The following CADPS variants were observed in gnomAD, a reference collection of about 807,000 sequenced individuals.
CADPS encodes the protein calcium-dependent secretion activator 1.
In CADPS, 57 loss-of-function variants were observed where a neutral mutation model predicts 167.3. That is an observed-to-expected ratio of 0.34 (90% CI 0.28 to 0.42). The LOEUF (loss-of-function observed/expected upper bound fraction) is 0.42. Ranked by LOEUF, CADPS falls within the 20% of genes least tolerant of loss-of-function variation. The pLI is 1.00. For synonymous variants in CADPS, 676 were observed against 635.3 expected, an observed-to-expected ratio of 1.06 and a Z score of -0.96; for missense variants, 1,414 against 1,738.1, an observed-to-expected ratio of 0.81 and a Z score of 3.32.
In CADPS at chr3:62,576,788, T is replaced by TAAAAAAA. The variant is rs138055445; in HGVS notation, c.1578-5857_1578-5851dup. Among the ~76,000 whole-genome samples, 70 of 29,852 alleles carry TAAAAAAA rather than the reference T, an allele frequency of 2.3e-3. 7 individuals carry two copies. The highest frequency in any genetic ancestry group is 7.7e-3 in the African/African-American group (63 of 8,192). The allele number at this position is 29,852 out of a possible 152,430, so 19.6% of individuals were successfully genotyped here. On this transcript the variant is annotated intron_variant, in intron 8 of 29. Transcript: ENST00000383710. ...CTGGGTGACAGAGCAAGACTCTGTC[T>TAAAAAAA]AAAAAAAAAAAAAAAAAAAAAAAAA...
intron 8 of CADPS, among the ~76,000 whole-genome samples, chr3:62,578,285 T>G (rs754076979): frequency 3.3e-5 from 5 of 151,834 alleles, no homozygotes; most frequent in Admixed American, 1.3e-4. Context: ...TCAAGAAGAT[T>G]ATTTCATAAT....
At chr3:62,810,451 C>A (rs2152862430) in intron 1 of CADPS, among the ~76,000 whole-genome samples, 1 of 152,186 alleles carries the variant, frequency 6.6e-6, no homozygotes, top group African/African-American at 2.4e-5. Context: ...TGAGAAGCAG[C>A]TTTTCAAGTA....
At chr3:62,515,602 CT>C (rs991033294) in intron 16 of CADPS, among the ~76,000 whole-genome samples, 4 of 152,004 alleles carry the variant, frequency 2.6e-5, no homozygotes, top group Non-Finnish European at 5.9e-5. Context: ...AGACAAGGTA[CT>C]TTTGGGGGCA....
intron 3 of CADPS, among the ~76,000 whole-genome samples, chr3:62,734,322 T>G (rs1359455987): frequency 1.3e-5 from 2 of 152,178 alleles, no homozygotes; most frequent in Non-Finnish European, 2.9e-5. Context: ...AGTAGATATG[T>G]GGCTAGTGTG....
At chr3:62,855,372 A>G (rs1350245482) in intron 1 of CADPS, among the ~76,000 whole-genome samples, 4 of 151,874 alleles carry the variant, frequency 2.6e-5, no homozygotes, top group African/African-American at 9.7e-5. Flanking sequence ...TTTTTAAAAC[A>G]CCCCATAATA....
chr3:62,491,194 A>G (rs1401580564), intron 21 of CADPS, 145 bp downstream of exon 21: 1 of 965,916 alleles, frequency 1.0e-6, no homozygotes, highest in Non-Finnish European at 1.5e-6. Context: ...CAAAGAAGCT[A>G]TGAGCATCAT....
intron 24 of CADPS, among the ~76,000 whole-genome samples, chr3:62,471,550 A>T (rs1402327353): frequency 6.6e-6 from 1 of 152,120 alleles, no homozygotes; most frequent in African/African-American, 2.4e-5. Context: ...GATCAAAGTG[A>T]CTTGGCTTGT....
In CADPS at chr3:62,874,174, G is replaced by C. The variant is rs1486219022; in HGVS notation, c.441+415C>G. Among the ~76,000 whole-genome samples, 1 of 152,146 alleles carries C rather than the reference G, an allele frequency of 6.6e-6. No individual in the cohort carries two copies. The highest frequency in any genetic ancestry group is 2.4e-5 in the African/African-American group (1 of 41,442). On this transcript the variant is annotated intron_variant, in intron 1 of 29. Transcript: ENST00000383710. This position sits in a 1 kb window ranked among gnomAD's most constrained non-coding sequence, Gnocchi z 7.1. ...GCCCGCCGAACGCACGCCCAGGAGG[G>C]CGGGCCCGGAGTTGAGCGCAGCCGC... is the stretch of plus-strand genomic sequence containing the variant.
chr3:62,449,699 A>G (rs1426013979), intron 26 of CADPS, among the ~76,000 whole-genome samples: 2 of 152,162 alleles, frequency 1.3e-5, no homozygotes, highest in Admixed American at 1.3e-4. Flanking sequence ...ATAATAAGAT[A>G]TTGTTTTGAT....
At chr3:62,494,645 C>T (rs2064331813) in intron 18 of CADPS, among the ~76,000 whole-genome samples, 1 of 150,982 alleles carries the variant, frequency 6.6e-6, no homozygotes, top group Non-Finnish European at 1.5e-5. Context: ...ATTAACCCAA[C>T]CTCATACCTG....
At chr3:62,697,279 T>G (rs201997882) in intron 3 of CADPS, among the ~76,000 whole-genome samples, 1 of 45,316 alleles carries the variant, frequency 2.2e-5, no homozygotes, top group Non-Finnish European at 5.3e-5. Context: ...TCCTTTCCCC[T>G]GAGTCCCCAA....
At chr3:62,553,792 C>T (rs1490526949) in intron 10 of CADPS, among the ~76,000 whole-genome samples, 1 of 152,176 alleles carries the variant, frequency 6.6e-6, no homozygotes, top group African/African-American at 2.4e-5. Flanking sequence ...TGAACATCCA[C>T]AAAGTGAAGA....
chr3:62,457,955 T>C (rs1258818585), intron 26 of CADPS, among the ~76,000 whole-genome samples: 8 of 152,068 alleles, frequency 5.3e-5, no homozygotes, highest in Non-Finnish European at 1.2e-4. Flanking sequence ...AGGGGAGGGA[T>C]AGCATTAGAA....
intron 28 of CADPS, among the ~76,000 whole-genome samples, chr3:62,407,344 T>C (rs1575604654): frequency 6.6e-6 from 1 of 152,182 alleles, no homozygotes; most frequent in South Asian, 2.1e-4. Flanking sequence ...AACCATGCAA[T>C]TGTGTTGTAA....
intron 1 of CADPS, among the ~76,000 whole-genome samples, chr3:62,775,947 T>G (rs1208319956): frequency 1.3e-5 from 2 of 152,244 alleles, no homozygotes; most frequent in Non-Finnish European, 2.9e-5. Context: ...TAATGATTAC[T>G]AGTACAGTTT....
chr3:62,566,232 T>C (rs1044407644), intron 9 of CADPS, among the ~76,000 whole-genome samples: 38 of 152,234 alleles, frequency 2.5e-4, no homozygotes, highest in African/African-American at 8.9e-4. Flanking sequence ...ATCTTCTCCC[T>C]TCCCCAGAAC....
At chr3:62,788,985 C>T (rs1428073878) in intron 1 of CADPS, among the ~76,000 whole-genome samples, 2 of 152,110 alleles carry the variant, frequency 1.3e-5, no homozygotes, top group African/African-American at 2.4e-5. Context: ...CTGGTGATTT[C>T]GAAGACATTC....
At chr3:62,662,520 TA>T (rs2073493757) in intron 3 of CADPS, 126 bp from the exon 4 acceptor site, 1 of 741,486 alleles carries the variant, frequency 1.3e-6, no homozygotes, top group Non-Finnish European at 2.3e-6. Flanking sequence ...AAAAAATTCT[TA>T]TAACCGACAA....
At chr3:62,869,196 A>G (rs1429539141) in intron 1 of CADPS, among the ~76,000 whole-genome samples, 2 of 152,124 alleles carry the variant, frequency 1.3e-5, no homozygotes, top group African/African-American at 2.4e-5. Flanking sequence ...TTTTTGGATT[A>G]TGGAAGCTAA....
Sources: allele counts gnomAD v4.1 joint callset (sites outside exome capture counted in the v4.1 genomes callset), GRCh38; gene constraint gnomAD v4.1.1; non-coding constraint Gnocchi (gnomAD v3.1); transcripts MANE v1.5; gene names NCBI Gene and HGNC (gene_info 2026-07-23, HGNC 2026-07-21).